DBT: variants seen among roughly 807,000 people sequenced by gnomAD.
DBT encodes dihydrolipoamide branched chain transacylase E2.
A neutral mutation model predicts 51.3 loss-of-function variants in DBT; 40 were observed. The ratio of observed to expected loss-of-function variants is 0.78; its 90% CI spans 0.61 to 1.02. DBT has a LOEUF of 1.02. Among genes scored for constraint, DBT ranks in the 50% least tolerant of loss-of-function variants. The pLI is 0.00. For missense variants in DBT, 510 were observed against 580.2 expected (o/e 0.88, Z 1.24); for synonymous variants, 181 against 190.4 (o/e 0.95, Z 0.41).
intron 4 of DBT, among the ~76,000 whole-genome samples, chr1:100,225,458 C>T (rs1208669703): frequency 6.6e-6 from 1 of 152,070 alleles, no homozygotes; most frequent in African/African-American, 2.4e-5. Flanking sequence ...ACAAAATGTA[C>T]TGTGATTTTA....
At position 100,240,610 on chromosome 1, in the gene DBT, A is replaced by C. The variant is rs1570847027; in HGVS notation, c.175+151T>G. On this transcript the variant is annotated intron_variant, in intron 2 of 10. Coordinates refer to ENST00000370132, the MANE Select transcript of DBT (RefSeq NM_001918.5). ...AGGGATGAGAAAAAAGAAAGTGAGA[A>C]CTGGAAAAATGTGGGGAGATGGGAA... 3 of 695,160 alleles carry C rather than the reference A, an allele frequency of 4.3e-6. No homozygotes were observed. In the South Asian group the frequency reaches 5.1e-5, roughly 12 times the overall value. The allele number at this position is 695,160 out of a possible 1,614,324, so 43.1% of individuals were successfully genotyped here.
At chr1:100,209,048 T>C (rs565026163) in intron 8 of DBT, among the ~76,000 whole-genome samples, 4 of 151,732 alleles carry the variant, frequency 2.6e-5, no homozygotes, top group Middle Eastern at 3.4e-3. Flanking sequence ...CTTAGGGTCA[T>C]GGAATTGAGG....
Position 100,193,874 on chromosome 1 carries a change from T to C in DBT, c.*2381A>G, listed in dbSNP as rs1414808083. 6.6e-6 allele frequency: 1 copy of C among 152,258 alleles called. No individual in the cohort carries two copies. Among genetic ancestry groups the C allele is most frequent in the Non-Finnish European group, 1.5e-5 (1 of 68,054 alleles). The allele number at this position is 152,258 out of a possible 1,614,324, so 9.4% of individuals were successfully genotyped here. On this transcript the variant is annotated 3_prime_UTR_variant, in exon 11 of 11. Coordinates refer to ENST00000370132, the MANE Select transcript of DBT (RefSeq NM_001918.5). The stretch of plus-strand genomic sequence containing the variant: ...CCTTGGCCTCCCAAAGTGGTAGGAT[T>C]ACAGGCGTGAGCCACCACACCCAGC...
chr1:100,219,887 G>A (rs773881591), intron 4 of DBT, among the ~76,000 whole-genome samples: 1 of 152,162 alleles, frequency 6.6e-6, no homozygotes, highest in African/African-American at 2.4e-5. Flanking sequence ...GCTCACACCT[G>A]TAATCCCAAC....
At chr1:100,245,904 A>G (rs1275367600) in intron 1 of DBT, among the ~76,000 whole-genome samples, 1 of 152,042 alleles carries the variant, frequency 6.6e-6, no homozygotes, top group African/African-American at 2.4e-5. Context: ...GTGAGCCAAG[A>G]TCATGCCACC....
intron 1 of DBT, among the ~76,000 whole-genome samples, chr1:100,243,044 T>C (rs996547207): frequency 1.3e-5 from 2 of 151,884 alleles, no homozygotes; most frequent in African/African-American, 2.4e-5. Context: ...GGTGAGTGGA[T>C]TGCTTGAGGT....
intron 10 of DBT, chr1:100,196,881 G>A: frequency 5.2e-6 from 1 of 191,834 alleles, no homozygotes; most frequent in Non-Finnish European, 1.1e-5. Flanking sequence ...ACATGCTTGT[G>A]TTCTTTGTGG....
rs1661118452 is a variant in DBT, at chr1:100,196,542, T to C, written c.1282-120A>G. 7 of 1,423,368 alleles carry C rather than the reference T, an allele frequency of 4.9e-6. No individual in the cohort carries two copies. The South Asian group carries it at 5.5e-5, about 11-fold the overall frequency. 88.2% of individuals were successfully genotyped at this position (1,423,368 alleles called of 1,614,324 possible). ...CAGGCAAACCCTTCTTCCTGTACAG[T>C]ACAGAAAAAAATGGGCATCCCCAAT... On this transcript the variant is annotated intron_variant, in intron 10 of 10. Coordinates refer to ENST00000370132, the MANE Select transcript of DBT (RefSeq NM_001918.5).
intron 4 of DBT, among the ~76,000 whole-genome samples, chr1:100,227,235 G>T (rs913648381): frequency 6.6e-6 from 1 of 152,176 alleles, no homozygotes; most frequent in Admixed American, 6.5e-5. Context: ...CCATAACGTC[G>T]TTATGCGACA....
At chr1:100,205,361 T>A (rs1192798006) in intron 10 of DBT, among the ~76,000 whole-genome samples, 1 of 152,152 alleles carries the variant, frequency 6.6e-6, no homozygotes, top group Admixed American at 6.5e-5. Context: ...AAAAAGCCCA[T>A]GATCACTGGT....
chr1:100,187,719 T>C lies in DBT; in HGVS notation c.*8536A>G, dbSNP rs1660629942. On this transcript the variant is annotated 3_prime_UTR_variant, in exon 11 of 11. Transcript: ENST00000370132. ...TTTTGTATTTTTTTTTTTTTTTTTG[T>C]AGAGACGAGGTTTTACCATGTTGCC... 1 of 149,996 alleles carries C rather than the reference T, an allele frequency of 6.7e-6. No individual in the cohort carries two copies. Among genetic ancestry groups the C allele is most frequent in the Non-Finnish European group, 1.5e-5 (1 of 67,594 alleles). 9.3% of individuals were successfully genotyped at this position (149,996 alleles called of 1,614,324 possible). A position where few individuals can be genotyped will look rare whatever the true frequency, so the allele number is the denominator to read the frequency against.
At chr1:100,241,430 C>G (rs1664203620) in intron 1 of DBT, among the ~76,000 whole-genome samples, 2 of 151,256 alleles carry the variant, frequency 1.3e-5, no homozygotes, top group Admixed American at 1.3e-4. Context: ...TGGTCTCACT[C>G]TGTTGCCCAG....
Position 100,201,607 on chromosome 1 carries a change from T to G in DBT, c.1281+4623A>C, listed in dbSNP as rs150421799. On this transcript the variant is annotated intron_variant, in intron 10 of 10. Coordinates refer to ENST00000370132, the MANE Select transcript of DBT (RefSeq NM_001918.5). ...AACCCCAAGATCCATAATTGTCAGA[T>G]TCACCAAGGTTGAAATGAAGGAAAA... 1.3e-3 allele frequency among the ~76,000 whole-genome samples: 192 copies of G among 152,152 alleles called. 2 individuals are homozygous for G. The South Asian group carries it at 0.013, about 10-fold the overall frequency.
intron 6 of DBT, 125 bp from the exon 7 acceptor site, chr1:100,215,108 C>G: frequency 1.4e-6 from 1 of 692,716 alleles, no homozygotes; most frequent in East Asian, 2.7e-5. Flanking sequence ...TTAAACCCTT[C>G]CTCTTACTAC....
At chr1:100,211,922 C>T (rs1662169855) in intron 7 of DBT, among the ~76,000 whole-genome samples, 1 of 152,100 alleles carries the variant, frequency 6.6e-6, no homozygotes. Flanking sequence ...TAGGCGTGTG[C>T]CACCATGCCC....
At chr1:100,225,042 A>AAAAAAAAT (rs59482100) in intron 4 of DBT, among the ~76,000 whole-genome samples, 1 of 45,630 alleles carries the variant, frequency 2.2e-5, no homozygotes, top group African/African-American at 6.7e-5. Flanking sequence ...AAAAAAAAAA[A>AAAAAAAAT]ATATATATAT....
At chr1:100,209,886 A>C (rs1662032950) in intron 8 of DBT, among the ~76,000 whole-genome samples, 1 of 151,858 alleles carries the variant, frequency 6.6e-6, no homozygotes, top group Non-Finnish European at 1.5e-5. Flanking sequence ...TCTAATGATA[A>C]GTAAACTTCA....
chr1:100,218,817 G>A, intron 4 of DBT, 70 bp from the exon 5 acceptor site: 2 of 1,304,636 alleles, frequency 1.5e-6, no homozygotes, highest in South Asian at 2.4e-5. Flanking sequence ...GTAAAGTAAG[G>A]CCACTAAGAT....
chr1:100,224,887 C>T (rs576780654), intron 4 of DBT, among the ~76,000 whole-genome samples: 32 of 150,924 alleles, frequency 2.1e-4, no homozygotes, highest in African/African-American at 7.1e-4. Context: ...TGGTGGTGCA[C>T]GCCTGCCTGT....
Sources: gnomAD v4.1 joint callset for allele counts (sites outside exome capture counted in the v4.1 genomes callset) on GRCh38, gnomAD v4.1.1 for gene constraint, MANE v1.5 for transcripts, NCBI Gene and HGNC (gene_info 2026-07-23, HGNC 2026-07-21) for gene names.